The following BMERB1 variants were observed in gnomAD, a reference collection of about 807,000 sequenced individuals.
The protein encoded by BMERB1 is bMERB domain-containing protein 1.
BMERB1 carries 12 observed loss-of-function variants against 23.6 expected under a neutral mutation model. The ratio of observed to expected loss-of-function variants is 0.51; its 90% CI spans 0.33 to 0.82. The LOEUF is 0.82. Ranked by LOEUF, BMERB1 falls within the 40% of genes least tolerant of loss-of-function variation. BMERB1 has a pLI of 0.03. For synonymous variants in BMERB1, 122 were observed against 96.6 expected (o/e 1.26, Z -1.54); for missense variants, 247 against 255.4 (o/e 0.97, Z 0.22).
At chr16:15,470,476 C>T (rs1421947493) in intron 1 of BMERB1, among the ~76,000 whole-genome samples, 1 of 151,570 alleles carries the variant, frequency 6.6e-6, no homozygotes, top group Non-Finnish European at 1.5e-5. Flanking sequence ...TGTGGTATGA[C>T]GGTAATACAA....
intron 5 of BMERB1, chr16:15,584,193 C>CT: frequency 5.1e-6 from 3 of 587,728 alleles, no homozygotes; most frequent in Non-Finnish European, 9.1e-6. Context: ...AAGAAACTGT[C>CT]TTTTCTTTGT....
At chr16:15,542,781 CAG>C (rs1241411108) in intron 2 of BMERB1, among the ~76,000 whole-genome samples, 3 of 151,964 alleles carry the variant, frequency 2.0e-5, no homozygotes, top group Admixed American at 6.6e-5. Flanking sequence ...GGACTTGTGA[CAG>C]GGGTGTGGCT....
At chr16:15,582,555 A>C (rs1460882991) in intron 4 of BMERB1, among the ~76,000 whole-genome samples, 2 of 151,824 alleles carry the variant, frequency 1.3e-5, no homozygotes, top group East Asian at 3.9e-4. Context: ...CTATCTCTAC[A>C]ATTTTTTTTT....
At chr16:15,508,042 T>A (rs1270398383) in intron 1 of BMERB1, among the ~76,000 whole-genome samples, 2 of 152,190 alleles carry the variant, frequency 1.3e-5, no homozygotes, top group Non-Finnish European at 2.9e-5. Context: ...TATGGTTGAT[T>A]ACAACAAGAG....
chr16:15,570,045 T>C (rs1420507976), intron 3 of BMERB1, among the ~76,000 whole-genome samples: 8 of 152,158 alleles, frequency 5.3e-5, no homozygotes, highest in African/African-American at 1.9e-4. Flanking sequence ...AGATGGGGGT[T>C]GGTTAGATCA....
At chr16:15,445,880 T>C (rs2150922355) in intron 1 of BMERB1, among the ~76,000 whole-genome samples, 1 of 152,154 alleles carries the variant, frequency 6.6e-6, no homozygotes, top group East Asian at 1.9e-4. Flanking sequence ...AACCCAAATA[T>C]GGTATAATCA....
chr16:15,479,920 G>A (rs561786445), intron 1 of BMERB1, among the ~76,000 whole-genome samples: 1 of 150,616 alleles, frequency 6.6e-6, no homozygotes, highest in East Asian at 1.9e-4. Flanking sequence ...CACTGCACTC[G>A]AGCTTGAGCA....
At chr16:15,580,095 AT>A (rs35772701) in intron 3 of BMERB1, among the ~76,000 whole-genome samples, 12,157 of 140,606 alleles carry the variant, frequency 0.086, 461 homozygotes, top group African/African-American at 0.11. Context: ...TGCCCTCTCA[AT>A]TTTTTTTTTT....
chr16:15,464,255 G>A (rs778882556), intron 1 of BMERB1, among the ~76,000 whole-genome samples: 9 of 150,598 alleles, frequency 6.0e-5, no homozygotes, highest in East Asian at 2.0e-4. Context: ...TGAGGTTGCA[G>A]TGAGCTGAGA....
chr16:15,545,097 C>T (rs1237758376), intron 2 of BMERB1, among the ~76,000 whole-genome samples: 1 of 152,114 alleles, frequency 6.6e-6, no homozygotes, highest in African/African-American at 2.4e-5. Flanking sequence ...CTCAGCCTCC[C>T]GAGTAGCTGG....
At chr16:15,509,629 C>T (rs2051635919) in intron 1 of BMERB1, among the ~76,000 whole-genome samples, 1 of 152,044 alleles carries the variant, frequency 6.6e-6, no homozygotes, top group Non-Finnish European at 1.5e-5. Flanking sequence ...TTTTGCCAGA[C>T]CCCACTTCCC....
chr16:15,573,382 T>C (rs866296175), intron 3 of BMERB1, among the ~76,000 whole-genome samples: 14 of 152,242 alleles, frequency 9.2e-5, no homozygotes, highest in South Asian at 8.3e-4. Flanking sequence ...CTCAAATCAG[T>C]GCCCCTGAGC....
At chr16:15,568,784 T>C (rs1179100008) in intron 3 of BMERB1, among the ~76,000 whole-genome samples, 2 of 152,198 alleles carry the variant, frequency 1.3e-5, no homozygotes, top group Non-Finnish European at 2.9e-5. Flanking sequence ...ACAGATGAAG[T>C]GTGTACAAAC....
intron 1 of BMERB1, among the ~76,000 whole-genome samples, chr16:15,496,280 G>T (rs931906065): frequency 1.3e-5 from 2 of 152,086 alleles, no homozygotes; most frequent in African/African-American, 2.4e-5. Flanking sequence ...TGAGGATAGA[G>T]ACAGTGATTG....
At chr16:15,575,717 G>A (rs1364210031) in intron 3 of BMERB1, among the ~76,000 whole-genome samples, 1 of 152,140 alleles carries the variant, frequency 6.6e-6, no homozygotes. Flanking sequence ...ATTTTCTGAG[G>A]TTTAAATACC....
At chr16:15,532,576 C>T (rs1203859498) in intron 2 of BMERB1, among the ~76,000 whole-genome samples, 4 of 129,626 alleles carry the variant, frequency 3.1e-5, no homozygotes, top group African/African-American at 8.8e-5. Context: ...GACGGAGTCT[C>T]GCTCTGTCGC....
intron 1 of BMERB1, among the ~76,000 whole-genome samples, chr16:15,495,025 A>G (rs1216998022): frequency 6.6e-6 from 1 of 151,030 alleles, no homozygotes; most frequent in Non-Finnish European, 1.5e-5. Flanking sequence ...CTGGGATTAC[A>G]GGCATGCGCC....
intron 1 of BMERB1, among the ~76,000 whole-genome samples, chr16:15,439,554 C>A (rs1264892038): frequency 6.6e-6 from 1 of 152,054 alleles, no homozygotes; most frequent in Non-Finnish European, 1.5e-5. Context: ...GTACATACTG[C>A]CTTCCTCATG....
In BMERB1 at chr16:15,525,474, T is replaced by G. The variant is rs979335841; in HGVS notation, c.230+10046T>G. Among the ~76,000 whole-genome samples, 5 of 151,934 alleles carry G rather than the reference T, an allele frequency of 3.3e-5. No homozygotes were observed. The East Asian group carries it at 9.6e-4, about 29-fold the overall frequency. ...ATTCCAGCACTTTGGGAGGCCAAGG[T>G]GGGCAGATCATTTGAGGTCAGGAGT... On this transcript the variant is annotated intron_variant, in intron 2 of 5. Coordinates refer to ENST00000300006, the MANE Select transcript of BMERB1 (RefSeq NM_033201.3).
Sources: allele counts gnomAD v4.1 joint callset (sites outside exome capture counted in the v4.1 genomes callset), GRCh38; gene constraint gnomAD v4.1.1; transcripts MANE v1.5; gene names NCBI Gene and HGNC (gene_info 2026-07-23, HGNC 2026-07-21).